The following ZNF106 variants were observed in gnomAD, a reference collection of about 807,000 sequenced individuals.
ZNF106 encodes SH3-domain binding protein 3.
ZNF106 carries 67 observed loss-of-function variants against 195.1 expected under a neutral mutation model. The ratio of observed to expected loss-of-function variants is 0.34; its 90% CI spans 0.28 to 0.42. The LOEUF (loss-of-function observed/expected upper bound fraction) is 0.42, where lower values mean the gene tolerates loss of function less well. ZNF106 is among the 10% of genes least tolerant of loss of function. The pLI is 1.00. For missense variants in ZNF106, 2,118 were observed against 2,304.5 expected (o/e 0.92, Z 1.66); for synonymous variants, 784 against 818.6 (o/e 0.96, Z 0.72).
Position 42,451,751 on chromosome 15 carries a change from A to C in ZNF106, c.521T>G (p.Leu174Trp), listed in dbSNP as rs974501784. The C allele has an allele frequency of 3.7e-6, 6 of 1,614,182 alleles. No individual in the cohort carries two copies. The highest frequency in any genetic ancestry group is 5.1e-6 in the Non-Finnish European group (6 of 1,180,032). ...NTRKNSFPHS[L>W]RNGGGPRGRS... The stretch of plus-strand genomic sequence containing the variant: ...TCCTCTTGGTCCACCACCATTCCTC[A>C]AAGAATGTGGAAAGCTGTTTTTCCT... Residue 174 changes from leucine to tryptophan, a missense_variant, in exon 5 of 22, where the codon TTG (leucine) becomes TGG (tryptophan). Leu to Trp is a moderately conservative substitution (Grantham distance 61). Transcript: ENST00000564754.
At chr15:42,486,400 C>T (rs977585080) in intron 1 of ZNF106, among the ~76,000 whole-genome samples, 5 of 152,104 alleles carry the variant, frequency 3.3e-5, no homozygotes, top group Non-Finnish European at 5.9e-5. Context: ...GCTGGGATTA[C>T]AGGTATACGC....
chr15:42,444,573 A>T (rs1488461285), intron 8 of ZNF106, among the ~76,000 whole-genome samples: 1 of 96,436 alleles, frequency 1.0e-5, no homozygotes, highest in Non-Finnish European at 2.0e-5. Flanking sequence ...CCTAGGGAGA[A>T]CACCCTTGTG....
rs2055238650 is a variant in ZNF106, at chr15:42,435,443, T to C, written c.4822A>G (p.Lys1608Glu). The C allele has an allele frequency of 1.2e-6, 2 of 1,614,182 alleles. No homozygotes were observed. The highest frequency in any genetic ancestry group is 3.3e-5 in the Admixed American group (2 of 60,022). The change falls in exon 14 of 22, where the codon AAG becomes GAG. Residue 1608 changes from lysine to glutamate, a missense_variant. Coordinates refer to ENST00000564754, the MANE Select transcript of ZNF106 (RefSeq NM_001366845.3). ...NCLLVTQTSG[K>E]NAALYTGSSD... ...GACCCGGTGTAAAGGGCAGCATTCT[T>C]CCCGGAGGTCTGAGTAACCAGGAGG...
intron 17 of ZNF106, among the ~76,000 whole-genome samples, chr15:42,423,733 G>T (rs1011693555): frequency 7.9e-5 from 12 of 152,108 alleles, no homozygotes; most frequent in African/African-American, 2.7e-4. Flanking sequence ...CTTTCTGGAA[G>T]CCTCAGCTGC....
intron 10 of ZNF106, among the ~76,000 whole-genome samples, 170 bp from the exon 11 acceptor site, chr15:42,439,983 C>T (rs2055440481): frequency 6.6e-6 from 1 of 152,210 alleles, no homozygotes; most frequent in Admixed American, 6.5e-5. Flanking sequence ...TATGACAACA[C>T]TTACTACCCT....
intron 14 of ZNF106, among the ~76,000 whole-genome samples, chr15:42,431,157 G>A (rs772522323): frequency 1.3e-5 from 2 of 151,840 alleles, no homozygotes; most frequent in African/African-American, 4.9e-5. Context: ...TATATTTGGG[G>A]ATTTCTTAGA....
At chr15:42,449,636 A>T in intron 5 of ZNF106, 135 bp downstream of exon 5, 1 of 1,227,976 alleles carries the variant, frequency 8.1e-7, no homozygotes, top group Non-Finnish European at 1.1e-6. Flanking sequence ...ATTTGATATT[A>T]AATCAAGACA....
intron 1 of ZNF106, among the ~76,000 whole-genome samples, chr15:42,484,448 T>C (rs531099567): frequency 1.3e-5 from 2 of 152,332 alleles, no homozygotes; most frequent in Admixed American, 6.5e-5. Flanking sequence ...TAGACAGGCA[T>C]GTGATATTGT....
Position 42,457,543 on chromosome 15 carries a change from G to A in ZNF106, c.117-385C>T, listed in dbSNP as rs762715763. On this transcript the variant is annotated intron_variant, in intron 3 of 21. Transcript: ENST00000564754. Reference sequence around the variant, plus strand: ...GTGCCAGCTGCACTCAGAAGGCCTGGTGACAGCGCTTACATTTAATCTTTA... The same window carrying A: ...GTGCCAGCTGCACTCAGAAGGCCTGATGACAGCGCTTACATTTAATCTTTA... The A allele has an allele frequency of 1.7e-5, 18 of 1,064,976 alleles. No individual in the cohort carries two copies. The South Asian group carries it at 3.6e-4, about 21-fold the overall frequency. The allele number at this position is 1,064,976 out of a possible 1,614,324, so 66.0% of individuals were successfully genotyped here.
chr15:42,417,961 A>C lies in ZNF106; in HGVS notation c.5518-10T>G, dbSNP rs1157126851. ...GAGAGCAACCATGCCACTGGAGAGAAAGAAAATGAGGAGACTCGGTGAAAA... is the reference window on the plus strand; with the variant it reads ...GAGAGCAACCATGCCACTGGAGAGACAGAAAATGAGGAGACTCGGTGAAAA... On this transcript the variant is annotated splice_polypyrimidine_tract_variant and intron_variant, in intron 20 of 21. Transcript: ENST00000564754. 1 of 1,609,662 alleles carries C rather than the reference A, an allele frequency of 6.2e-7. No homozygotes were observed.
At chr15:42,475,004 C>T (rs952140478) in intron 1 of ZNF106, among the ~76,000 whole-genome samples, 4 of 152,170 alleles carry the variant, frequency 2.6e-5, no homozygotes, top group Non-Finnish European at 4.4e-5. Context: ...AATGAGGTTA[C>T]AAACTACCAC....
Position 42,442,228 on chromosome 15 carries a change from G to A in ZNF106, c.3608C>T (p.Thr1203Met), listed in dbSNP as rs1042605350. ...GCCATGGGTTTGGAAAGTAGGAGAC[G>A]TGGTTATTTGAAGAGAGGCTCCGGT... is the stretch of plus-strand genomic sequence containing the variant. ...SPTGASLQIT[T>M]SPTFQTHGSV... The change falls in exon 10 of 22, where the codon ACG (threonine) becomes ATG (methionine). Residue 1203 changes from threonine (T) to methionine (M), a missense_variant. Thr to Met is a moderately conservative substitution (Grantham distance 81). Coordinates refer to ENST00000564754, the MANE Select transcript of ZNF106 (RefSeq NM_001366845.3). 11 of 1,614,054 alleles carry A rather than the reference G, an allele frequency of 6.8e-6. No homozygotes were observed. Among genetic ancestry groups the A allele is most frequent in the East Asian group, 4.5e-5 (2 of 44,898 alleles).
rs143970729 is a variant in ZNF106, at chr15:42,439,095, C to G, written c.4482G>C (p.Gly1494=). 3 of 1,614,072 alleles carry G rather than the reference C, an allele frequency of 1.9e-6. No homozygotes were observed. In the African/African-American group the frequency reaches 4.0e-5, roughly 22 times the overall value. The change falls in exon 11 of 22, where the codon GGG becomes GGC. Residue 1494 remains glycine (G), a synonymous_variant. Transcript: ENST00000564754. ...EQNPLETSRS[G]CDEVSSTSEI... is the part of the protein sequence containing the mutation. ...CACTGGTAGAGCTAACTTCATCACA[C>G]CCAGAACGAGACGTTTCTAGTGGGT... is the stretch of plus-strand genomic sequence containing the variant.
chr15:42,451,487 C>A lies in ZNF106; in HGVS notation c.785G>T (p.Gly262Val), dbSNP rs370436294. 4.3e-6 allele frequency: 7 copies of A among 1,614,192 alleles called. No individual in the cohort carries two copies. The highest frequency in any genetic ancestry group is 5.9e-6 in the Non-Finnish European group (7 of 1,180,030). ...GCCTGGTTGAAATTTGTCTCCAGGG[C>A]CACTGTAATTCCAATTATTTGTACT... Reference protein sequence around the residue: ...VRSTNNWNYSGPGDKFQPGRN... With the variant: ...VRSTNNWNYSVPGDKFQPGRN... The change falls in exon 5 of 22, where the codon GGC (glycine) becomes GTC (valine). Residue 262 changes from glycine (G) to valine (V), a missense_variant. Gly to Val is a moderately radical substitution (Grantham distance 109). Transcript: ENST00000564754.
At chr15:42,477,890 CAAAAAAAACA>C (rs1487581225) in intron 1 of ZNF106, among the ~76,000 whole-genome samples, 1 of 144,726 alleles carries the variant, frequency 6.9e-6, no homozygotes, top group Non-Finnish European at 1.5e-5. Flanking sequence ...AACTCAGCCT[CAAAAAAAACA>C]AAAAAAAACA....
At position 42,450,306 on chromosome 15, in the gene ZNF106, T is replaced by C; in HGVS notation, c.1966A>G (p.Lys656Glu). 17 of 1,614,176 alleles carry C rather than the reference T, an allele frequency of 1.1e-5. No homozygotes were observed. Among genetic ancestry groups the C allele is most frequent in the Non-Finnish European group, 1.4e-5 (16 of 1,180,028 alleles). Residue 656 changes from lysine to glutamate, a missense_variant, in exon 5 of 22, where the codon AAG becomes GAG. Transcript: ENST00000564754. The stretch of plus-strand genomic sequence containing the variant: ...GAAGTGGATAGCTCTCTAGAAGTCT[T>C]CAGGATGCGGTCATCCTCCTCTTTC... Reference protein sequence around the residue: ...DEKEEDDRILKTSRELSTSPC... With the variant: ...DEKEEDDRILETSRELSTSPC...
chr15:42,421,218 A>G, intron 19 of ZNF106, 86 bp from the exon 20 acceptor site: 1 of 1,225,320 alleles, frequency 8.2e-7, no homozygotes, highest in South Asian at 1.2e-5. Flanking sequence ...AGCTCCTTGC[A>G]GCAGCTACAA....
chr15:42,479,289 G>A (rs146614795), intron 1 of ZNF106, among the ~76,000 whole-genome samples: 94 of 152,134 alleles, frequency 6.2e-4, no homozygotes, highest in African/African-American at 2.1e-3. Flanking sequence ...CAGGAGAATC[G>A]CTTGAACCCA....
chr15:42,476,124 T>C (rs2056781053), intron 1 of ZNF106, among the ~76,000 whole-genome samples: 1 of 152,230 alleles, frequency 6.6e-6, no homozygotes, highest in South Asian at 2.1e-4. Flanking sequence ...TCTGCATGTA[T>C]TAAGAATACT....
Sources: allele counts gnomAD v4.1 joint callset (sites outside exome capture counted in the v4.1 genomes callset), GRCh38; gene constraint gnomAD v4.1.1; transcripts MANE v1.5; gene names NCBI Gene and HGNC (gene_info 2026-07-23, HGNC 2026-07-21).